Variants in PDK2 observed in about 807,000 individuals in gnomAD.
The protein encoded by PDK2 is pyruvate dehydrogenase kinase, isozyme 2.
PDK2 carries 34 observed loss-of-function variants against 50.4 expected under a neutral mutation model. The ratio of observed to expected loss-of-function variants is 0.68; its 90% CI spans 0.51 to 0.90. PDK2 has a LOEUF of 0.90. PDK2 is among the 40% of genes least tolerant of loss of function. PDK2 has a pLI of 0.00. For missense variants in PDK2, 377 were observed against 544.5 expected (o/e 0.69, Z 3.06); for synonymous variants, 232 against 216.0 (o/e 1.07, Z -0.65).
chr17:50,095,382 T>G lies in PDK2; in HGVS notation c.-54T>G, dbSNP rs1909875668. On this transcript the variant is annotated 5_prime_UTR_variant, in exon 1 of 11. Coordinates refer to ENST00000503176, the MANE Select transcript of PDK2 (RefSeq NM_002611.5). ...CGAACCGCGTCGCTGGGCCGAAAGG[T>G]GCGCGAGCGCTGCCCGCGCGGGGAC... is the stretch of plus-strand genomic sequence containing the variant. 15 of 1,350,854 alleles carry G rather than the reference T, an allele frequency of 1.1e-5. 1 individual carries two copies. The South Asian group carries it at 1.8e-4, about 17-fold the overall frequency. 83.7% of individuals were successfully genotyped at this position (1,350,854 alleles called of 1,614,324 possible).
chr17:50,105,161 A>G, intron 2 of PDK2: 1 of 474,514 alleles, frequency 2.1e-6, no homozygotes. Context: ...GGACCAGCAA[A>G]TTTGAAGTTT....
At chr17:50,099,859 C>T (rs765874063) in intron 2 of PDK2, among the ~76,000 whole-genome samples, 5 of 152,248 alleles carry the variant, frequency 3.3e-5, no homozygotes, top group Non-Finnish European at 7.3e-5. Flanking sequence ...AGCATCCCAA[C>T]GCGCTGAAGA....
intron 4 of PDK2, 117 bp downstream of exon 4, chr17:50,106,186 G>A (rs1345581881): frequency 3.5e-5 from 53 of 1,513,856 alleles, no homozygotes; most frequent in Non-Finnish European, 4.6e-5. Flanking sequence ...GGGAGTCTTT[G>A]AATAGTTACT....
upstream of PDK2, chr17:50,095,136 G>C (rs767741272): frequency 2.9e-6 from 1 of 348,052 alleles, no homozygotes; most frequent in Non-Finnish European, 5.3e-6. Flanking sequence ...AGTGAACACA[G>C]GGGAGGTGGG....
rs756270956 is a variant in PDK2 at position 50,107,110 on chromosome 17, G to T, written c.642G>T (p.Lys214Asn). The T allele has an allele frequency of 2.5e-6, 4 of 1,614,048 alleles. No homozygotes were observed. In the Admixed American group the frequency reaches 6.7e-5, roughly 27 times the overall value. The change falls in exon 6 of 11, where the codon AAG becomes AAT. Residue 214 changes from lysine (K) to asparagine (N), a missense_variant. Lys to Asn is a moderately conservative substitution (Grantham distance 94). This residue lies in a region of PDK2 where 214 missense variants were observed against 294.0 expected (regional missense o/e 0.73). Coordinates refer to ENST00000503176, the MANE Select transcript of PDK2 (RefSeq NM_002611.5). Reference sequence around the variant, plus strand: ...ACATGGCTAAGCTCCTGTGTGACAAGTATTACATGGCCTCACCTGACCTGG... The same window carrying T: ...ACATGGCTAAGCTCCTGTGTGACAATTATTACATGGCCTCACCTGACCTGG... Reference protein sequence around the residue: ...AYDMAKLLCDKYYMASPDLEI... With the variant: ...AYDMAKLLCDNYYMASPDLEI...
chr17:50,105,821 A>G, intron 3 of PDK2, 64 bp from the exon 4 acceptor site: 1 of 1,565,854 alleles, frequency 6.4e-7, no homozygotes, highest in Non-Finnish European at 8.7e-7. Flanking sequence ...CACCGTGGAG[A>G]GGGGAGTCAG....
intron 4 of PDK2, 77 bp from the exon 5 acceptor site, chr17:50,106,717 G>T: frequency 8.2e-7 from 1 of 1,221,594 alleles, no homozygotes; most frequent in Non-Finnish European, 1.2e-6. Flanking sequence ...GTAGAAAGAG[G>T]AGGAAAGCCC....
At chr17:50,105,492 A>G (rs1432710240) in intron 3 of PDK2, 50 bp downstream of exon 3, 1 of 1,503,700 alleles carries the variant, frequency 6.7e-7, no homozygotes, top group East Asian at 2.3e-5. Flanking sequence ...GGCCAGGGGC[A>G]TCTGGGGTTG....
At position 50,109,856 on chromosome 17, in the gene PDK2, G is replaced by A. The variant is rs987274201; in HGVS notation, c.1084-101G>A. 4.0e-5 allele frequency: 53 copies of A among 1,309,826 alleles called. No homozygotes were observed. Among genetic ancestry groups the A allele is most frequent in the Non-Finnish European group, 4.8e-5 (47 of 986,104 alleles). 81.1% of individuals were successfully genotyped at this position (1,309,826 alleles called of 1,614,324 possible). The stretch of plus-strand genomic sequence containing the variant: ...CCTTTTGTGGTCTTTCCAGGCCCCC[G>A]TGTCTGGCAGCTGGGCTGCCGCTGA... On this transcript the variant is annotated intron_variant, in intron 10 of 10. Transcript: ENST00000503176. This position sits in a 1 kb window ranked among gnomAD's most constrained non-coding sequence, Gnocchi z 5.0.
At position 50,109,911 on chromosome 17, in the gene PDK2, G is replaced by A. The variant is rs1473156655; in HGVS notation, c.1084-46G>A. On this transcript the variant is annotated intron_variant, in intron 10 of 10. Coordinates refer to ENST00000503176, the MANE Select transcript of PDK2 (RefSeq NM_002611.5). The surrounding 1 kb of genome is among the most constrained non-coding windows in gnomAD (Gnocchi z 5.0). ...GGGTGGGGTGGTCTGCTGAGGAGTG[G>A]ACAAGGCACAGGGAGGTGGGAGGGG... 2.0e-6 allele frequency: 3 copies of A among 1,476,494 alleles called. No homozygotes were observed. In the South Asian group the frequency reaches 4.0e-5, roughly 20 times the overall value. 91.5% of individuals were successfully genotyped at this position (1,476,494 alleles called of 1,614,324 possible).
rs530508470 is a variant in PDK2, at chr17:50,107,865, G to A, written c.686-291G>A. On this transcript the variant is annotated intron_variant, in intron 6 of 10. Coordinates refer to ENST00000503176, the MANE Select transcript of PDK2 (RefSeq NM_002611.5). ...TACCAGTGGCTTACTTAAGAGGGAG[G>A]TTTCCCTCTCGCCAGCCCCTTGCTG... 1.6e-5 allele frequency: 7 copies of A among 445,044 alleles called. No homozygotes were observed. In the East Asian group the frequency reaches 3.0e-4, roughly 19 times the overall value. 27.6% of individuals were successfully genotyped at this position (445,044 alleles called of 1,614,324 possible). A position where few individuals can be genotyped will look rare whatever the true frequency, so the allele number is the denominator to read the frequency against.
At chr17:50,097,718 A>G (rs1043276851) in intron 2 of PDK2, 154 bp downstream of exon 2, 3 of 800,080 alleles carry the variant, frequency 3.7e-6, no homozygotes, top group Admixed American at 2.6e-5. Flanking sequence ...GCCTAGGGTC[A>G]CGTGGGAATC....
At chr17:50,104,557 A>T (rs556829768) in intron 2 of PDK2, among the ~76,000 whole-genome samples, 1 of 152,244 alleles carries the variant, frequency 6.6e-6, no homozygotes, top group South Asian at 2.1e-4. Context: ...GGCTAAGTTC[A>T]GGGATTCTTG....
chr17:50,095,798 AG>A, intron 1 of PDK2: 1 of 1,338,596 alleles, frequency 7.5e-7, no homozygotes, highest in Non-Finnish European at 9.6e-7. Context: ...GGCCTCATGA[AG>A]GGTCTTGAAG....
chr17:50,104,730 G>A (rs1471094408), intron 2 of PDK2, among the ~76,000 whole-genome samples: 1 of 152,198 alleles, frequency 6.6e-6, no homozygotes, highest in Non-Finnish European at 1.5e-5. Context: ...AGCCCCACCT[G>A]GGGACAGAGC....
rs983351705 is a variant in PDK2 at position 50,101,548 on chromosome 17, A to C, written c.261-3823A>C. ...CCTTGTTTACACCCTGCTCCCCAGCAGCTGTGGATACGAGTGCACAGGGCA... is the reference window on the plus strand; with the variant it reads ...CCTTGTTTACACCCTGCTCCCCAGCCGCTGTGGATACGAGTGCACAGGGCA... On this transcript the variant is annotated intron_variant, in intron 2 of 10. Coordinates refer to ENST00000503176, the MANE Select transcript of PDK2 (RefSeq NM_002611.5). This position sits in a 1 kb window ranked among gnomAD's most constrained non-coding sequence, Gnocchi z 4.2. Among the ~76,000 whole-genome samples the C allele has an allele frequency of 4.7e-5, 7 of 150,212 alleles. No homozygotes were observed. Among genetic ancestry groups the C allele is most frequent in the Admixed American group, 4.6e-4 (7 of 15,218 alleles).
At chr17:50,103,276 G>A (rs542288430) in intron 2 of PDK2, among the ~76,000 whole-genome samples, 1 of 152,312 alleles carries the variant, frequency 6.6e-6, no homozygotes, top group Admixed American at 6.5e-5. Flanking sequence ...TGGGTAGGGA[G>A]GGGTGGGCGG....
Position 50,106,882 on chromosome 17 carries a change from A to T in PDK2, c.606A>T (p.Lys202Asn). The change falls in exon 5 of 11, where the codon AAA becomes AAT. Residue 202 changes from lysine to asparagine, a missense_variant and splice_region_variant. Coordinates refer to ENST00000503176, the MANE Select transcript of PDK2 (RefSeq NM_002611.5). Reference sequence around the variant, plus strand: ...ACTGCAACGTCTCTGAGGTGGTCAAAGGTGAGCCATTCCCACGGTGCCTGG... The same window carrying T: ...ACTGCAACGTCTCTGAGGTGGTCAATGGTGAGCCATTCCCACGGTGCCTGG... ...DPNCNVSEVV[K>N]DAYDMAKLLC... The T allele has an allele frequency of 6.2e-7, 1 of 1,613,692 alleles. No homozygotes were observed. Among genetic ancestry groups the T allele is most frequent in the Non-Finnish European group, 8.5e-7 (1 of 1,179,636 alleles).
At chr17:50,095,085 A>G (rs538061007), upstream of PDK2, among the ~76,000 whole-genome samples, 29 of 152,172 alleles carry the variant, frequency 1.9e-4, no homozygotes, top group South Asian at 1.9e-3. Context: ...TCTGGGAAGG[A>G]AGGGGTTAAC....
Sources: allele counts gnomAD v4.1 joint callset (sites outside exome capture counted in the v4.1 genomes callset), GRCh38; gene constraint gnomAD v4.1.1; regional missense constraint gnomAD v4.1.1; non-coding constraint Gnocchi (gnomAD v3.1); transcripts MANE v1.5; gene names NCBI Gene and HGNC (gene_info 2026-07-23, HGNC 2026-07-21).